MYO5B: variants seen among roughly 807,000 people sequenced by gnomAD.
MYO5B encodes unconventional myosin-Vb.
Under a neutral mutation model 229.3 loss-of-function variants are expected in MYO5B, and 143 were observed. That is an observed-to-expected ratio of 0.62 (90% CI 0.54 to 0.72). The LOEUF is 0.72. Ranked by LOEUF, MYO5B falls within the 30% of genes least tolerant of loss-of-function variation. MYO5B has a pLI of 0.00. For synonymous variants in MYO5B, 918 were observed against 885.2 expected, an observed-to-expected ratio of 1.04 and a Z score of -0.66; for missense variants, 2,321 against 2,331.0, an observed-to-expected ratio of 1.00 and a Z score of 0.09.
At chr18:50,049,532 G>A (rs928633328) in intron 2 of MYO5B, among the ~76,000 whole-genome samples, 1 of 152,192 alleles carries the variant, frequency 6.6e-6, no homozygotes, top group African/African-American at 2.4e-5. Flanking sequence ...TCCAGCAATG[G>A]ACAGACCAGA....
chr18:50,112,402 C>T (rs1171145435), intron 1 of MYO5B, among the ~76,000 whole-genome samples: 1 of 152,194 alleles, frequency 6.6e-6, no homozygotes, highest in East Asian at 1.9e-4. Context: ...AAAGCATCAA[C>T]ACCAAGACGT....
intron 8 of MYO5B, among the ~76,000 whole-genome samples, chr18:49,982,485 A>G (rs2025826518): frequency 1.3e-5 from 2 of 152,208 alleles, no homozygotes; most frequent in Non-Finnish European, 2.9e-5. Flanking sequence ...GGATCCTCGC[A>G]CTACATTGAT....
At chr18:49,992,151 A>G in intron 6 of MYO5B, 137 bp downstream of exon 6, 1 of 1,240,154 alleles carries the variant, frequency 8.1e-7, no homozygotes. Flanking sequence ...ATAAAAGATA[A>G]GAACCAAAAG....
intron 1 of MYO5B, among the ~76,000 whole-genome samples, chr18:50,130,170 C>T (rs1257790093): frequency 6.6e-6 from 1 of 152,200 alleles, no homozygotes; most frequent in African/African-American, 2.4e-5. Context: ...ACCTAGTGAT[C>T]CAATTAAGAA....
intron 1 of MYO5B, among the ~76,000 whole-genome samples, chr18:50,083,428 T>A (rs2031263536): frequency 6.6e-6 from 1 of 152,130 alleles, no homozygotes; most frequent in Non-Finnish European, 1.5e-5. Flanking sequence ...TCAGCCCGAA[T>A]CCTGAAACTA....
chr18:50,190,605 T>G (rs1309086167), intron 1 of MYO5B, among the ~76,000 whole-genome samples: 1 of 100,944 alleles, frequency 9.9e-6, no homozygotes, highest in East Asian at 3.0e-4. Flanking sequence ...CAAAGAGAAG[T>G]GCCCTTTGGC....
At chr18:50,090,180 G>C (rs1253707520) in intron 1 of MYO5B, among the ~76,000 whole-genome samples, 1 of 152,014 alleles carries the variant, frequency 6.6e-6, no homozygotes, top group Non-Finnish European at 1.5e-5. Context: ...ACCAGCATGA[G>C]GACAAAGAAC....
rs1358204580 is a variant in MYO5B, at chr18:49,867,993, G to C, written c.3604-3613C>G. Among the ~76,000 whole-genome samples, 6 of 152,232 alleles carry C rather than the reference G, an allele frequency of 3.9e-5. No individual in the cohort carries two copies. The East Asian group carries it at 7.7e-4, about 20-fold the overall frequency. ...AACATGAGAGTATATTCATCAGTTAGAGAATGGATAATTGTGATAATCATG... is the reference window on the plus strand; with the variant it reads ...AACATGAGAGTATATTCATCAGTTACAGAATGGATAATTGTGATAATCATG... On this transcript the variant is annotated intron_variant, in intron 27 of 39. Coordinates refer to ENST00000285039, the MANE Select transcript of MYO5B (RefSeq NM_001080467.3).
chr18:49,867,362 T>G (rs930394097), intron 27 of MYO5B, among the ~76,000 whole-genome samples: 2 of 152,144 alleles, frequency 1.3e-5, no homozygotes, highest in Admixed American at 6.5e-5. Context: ...TGTGTGCAGC[T>G]GTAGTCCCCA....
intron 14 of MYO5B, among the ~76,000 whole-genome samples, chr18:49,939,447 A>G (rs560834079): frequency 6.6e-6 from 1 of 152,324 alleles, no homozygotes; most frequent in Non-Finnish European, 1.5e-5. Context: ...CCCGGCCTAC[A>G]TGAATGATCT....
At chr18:50,172,645 T>C (rs2032936202) in intron 1 of MYO5B, among the ~76,000 whole-genome samples, 1 of 152,216 alleles carries the variant, frequency 6.6e-6, no homozygotes, top group African/African-American at 2.4e-5. Context: ...TTAAATATGT[T>C]TACCAAGCAC....
At chr18:49,873,967 G>A (rs1052746013) in intron 26 of MYO5B, among the ~76,000 whole-genome samples, 4 of 152,174 alleles carry the variant, frequency 2.6e-5, no homozygotes, top group Non-Finnish European at 5.9e-5. Flanking sequence ...GTTGAGACCT[G>A]AGCCATCTCT....
In MYO5B at chr18:50,168,699, C is replaced by T. The variant is rs1305942990; in HGVS notation, c.27+26068G>A. Among the ~76,000 whole-genome samples the T allele has an allele frequency of 3.9e-5, 5 of 129,746 alleles. 2 individuals are homozygous for T. The highest frequency in any genetic ancestry group is 8.3e-5 in the Non-Finnish European group (5 of 60,268). The allele number at this position is 129,746 out of a possible 152,430, so 85.1% of individuals were successfully genotyped here. A position where few individuals can be genotyped will look rare whatever the true frequency, so the allele number is the denominator to read the frequency against. ...AACCAGGTCTTGGTCAATCACCCTC[C>T]TCACTTTCTTGTTTTGGTCTTAAGT... On this transcript the variant is annotated intron_variant, in intron 1 of 39. Transcript: ENST00000285039.
chr18:50,156,875 A>C (rs1464784083), intron 1 of MYO5B, among the ~76,000 whole-genome samples: 1 of 152,204 alleles, frequency 6.6e-6, no homozygotes, highest in Admixed American at 6.5e-5. Flanking sequence ...CAATGTACAC[A>C]TGAAATCCAT....
chr18:49,946,918 T>G (rs2025379877), intron 14 of MYO5B, among the ~76,000 whole-genome samples: 1 of 152,098 alleles, frequency 6.6e-6, no homozygotes, highest in African/African-American at 2.4e-5. Context: ...ACTGAAAGAC[T>G]AAGAGATACC....
chr18:49,947,094 C>T (rs1021536568), intron 14 of MYO5B, among the ~76,000 whole-genome samples: 8 of 146,340 alleles, frequency 5.5e-5, no homozygotes, highest in African/African-American at 2.0e-4. Flanking sequence ...AAAGTAGTCA[C>T]CAAGCTCTTT....
chr18:50,180,449 C>T lies in MYO5B; in HGVS notation c.27+14318G>A, dbSNP rs1235512615. Among the ~76,000 whole-genome samples, 9 of 152,186 alleles carry T rather than the reference C, an allele frequency of 5.9e-5. 1 individual carries two copies. The South Asian group carries it at 1.9e-3, about 32-fold the overall frequency. ...GCTAGAAAGCTGAGGAACCAGGACT[C>T]AAAACCCAGGCCAATCCCCCATCTA... is the stretch of plus-strand genomic sequence containing the variant. On this transcript the variant is annotated intron_variant, in intron 1 of 39. Transcript: ENST00000285039.
intron 1 of MYO5B, among the ~76,000 whole-genome samples, chr18:50,187,266 G>A (rs62101529): frequency 0.14 from 20,929 of 152,188 alleles, 1,917 homozygotes; most frequent in East Asian, 0.37. Flanking sequence ...AGTACACCTA[G>A]CAACCAGATC....
chr18:50,159,479 C>A (rs767097423), intron 1 of MYO5B, among the ~76,000 whole-genome samples: 10 of 152,106 alleles, frequency 6.6e-5, no homozygotes, highest in African/African-American at 2.2e-4. Context: ...AGCTGAGAGA[C>A]GTTAGTGACA....
Sources: gnomAD v4.1 joint callset for allele counts (sites outside exome capture counted in the v4.1 genomes callset) on GRCh38, gnomAD v4.1.1 for gene constraint, MANE v1.5 for transcripts, NCBI Gene and HGNC (gene_info 2026-07-23, HGNC 2026-07-21) for gene names.